Variants in SIX4 observed in about 807,000 individuals in gnomAD.
The protein encoded by SIX4 is homeobox protein SIX4.
A neutral mutation model predicts 51.5 loss-of-function variants in SIX4; 23 were observed. The observed-to-expected ratio is 0.45, with a 90% CI of 0.32 to 0.63. The LOEUF (loss-of-function observed/expected upper bound fraction) is 0.63, where lower values mean the gene tolerates loss of function less well. Ranked by LOEUF, SIX4 falls within the 30% of genes least tolerant of loss-of-function variation. SIX4 has a pLI of 0.04. For missense variants in SIX4, 867 were observed against 984.0 expected, an observed-to-expected ratio of 0.88 and a Z score of 1.59; for synonymous variants, 413 against 417.3, an observed-to-expected ratio of 0.99 and a Z score of 0.13.
chr14:60,711,136 C>G lies in SIX4; in HGVS notation c.*2271G>C. 1 of 152,182 alleles carries G rather than the reference C, an allele frequency of 6.6e-6. No homozygotes were observed. The highest frequency in any genetic ancestry group is 1.9e-4 in the East Asian group (1 of 5,170). 9.4% of individuals were successfully genotyped at this position (152,182 alleles called of 1,614,324 possible). A position where few individuals can be genotyped will look rare whatever the true frequency, so the allele number is the denominator to read the frequency against. Reference sequence around the variant, plus strand: ...GTGGAAAACATCATTTTTATGTAAACTACACTGCAGAGCCATGTAATTAAT... The same window carrying G: ...GTGGAAAACATCATTTTTATGTAAAGTACACTGCAGAGCCATGTAATTAAT... On this transcript the variant is annotated 3_prime_UTR_variant, in exon 3 of 3. Coordinates refer to ENST00000216513, the MANE Select transcript of SIX4 (RefSeq NM_017420.5).
chr14:60,723,879 T>C lies in SIX4; in HGVS notation c.196A>G (p.Ser66Gly). ...GCCGCCACTGCCCCTTCCTCTCCGC[T>C]CACCCTGGCGGCAGCGGTCGCGGCG... ...GDAATAAARV[S>G]GEEGAVAAAA... Residue 66 changes from serine (S) to glycine (G), a missense_variant, in exon 1 of 3, where the codon AGC becomes GGC. Transcript: ENST00000216513. The C allele has an allele frequency of 6.5e-7, 1 of 1,539,114 alleles. No individual in the cohort carries two copies. The highest frequency in any genetic ancestry group is 2.4e-5 in the East Asian group (1 of 42,498).
At position 60,723,848 on chromosome 14, in the gene SIX4, G is replaced by A. The variant is rs1376406359; in HGVS notation, c.227C>T (p.Ala76Val). The part of the protein sequence containing the change: ...SGEEGAVAAA[A>V]AGAAADQVQL... ...TACCTGATCCGCCGCCGCTCCGGCC[G>A]CCGCCGCCGCCACTGCCCCTTCCTC... is the stretch of plus-strand genomic sequence containing the variant. Residue 76 changes from alanine to valine, a missense_variant, in exon 1 of 3, where the codon GCG becomes GTG. Coordinates refer to ENST00000216513, the MANE Select transcript of SIX4 (RefSeq NM_017420.5). The A allele has an allele frequency of 1.3e-6, 2 of 1,523,886 alleles. No homozygotes were observed. Among genetic ancestry groups the A allele is most frequent in the Non-Finnish European group, 1.7e-6 (2 of 1,147,348 alleles). The allele number at this position is 1,523,886 out of a possible 1,614,324, so 94.4% of individuals were successfully genotyped here.
At chr14:60,723,148 G>A in intron 1 of SIX4, 64 bp downstream of exon 1, 1 of 1,459,878 alleles carries the variant, frequency 6.8e-7, no homozygotes, top group Non-Finnish European at 9.0e-7. Flanking sequence ...GCACTTGGAG[G>A]AAAAGAAAGC....
chr14:60,711,222 T>A lies in SIX4; in HGVS notation c.*2185A>T, dbSNP rs1895814470. ...ACAAGCTCTATGAGTAGTAGTAGAGTGGAAAAGAACTCTCAAACACCTGAC... is the reference window on the plus strand; with the variant it reads ...ACAAGCTCTATGAGTAGTAGTAGAGAGGAAAAGAACTCTCAAACACCTGAC... On this transcript the variant is annotated 3_prime_UTR_variant, in exon 3 of 3. Transcript: ENST00000216513. 1 of 151,990 alleles carries A rather than the reference T, an allele frequency of 6.6e-6. No individual in the cohort carries two copies. Among genetic ancestry groups the A allele is most frequent in the Non-Finnish European group, 1.5e-5 (1 of 67,904 alleles). 9.4% of individuals were successfully genotyped at this position (151,990 alleles called of 1,614,324 possible).
intron 1 of SIX4, 74 bp downstream of exon 1, chr14:60,723,138 G>A: frequency 6.9e-7 from 1 of 1,454,312 alleles, no homozygotes; most frequent in East Asian, 2.5e-5. Context: ...ATGTTTGCGA[G>A]CACTTGGAGG....
Position 60,717,905 on chromosome 14 carries a change from G to C in SIX4, c.1549+1855C>G, listed in dbSNP as rs966535108. ...TGCACGCCTGTAGTCCCAGCTACTAGGGAGGCTGAGGCAGGATAATCACTT... is the reference window on the plus strand; with the variant it reads ...TGCACGCCTGTAGTCCCAGCTACTACGGAGGCTGAGGCAGGATAATCACTT... On this transcript the variant is annotated intron_variant, in intron 2 of 2. Coordinates refer to ENST00000216513, the MANE Select transcript of SIX4 (RefSeq NM_017420.5). This position sits in a 1 kb window ranked among gnomAD's most constrained non-coding sequence, Gnocchi z 4.6. 1 of 169,796 alleles carries C rather than the reference G, an allele frequency of 5.9e-6. No individual in the cohort carries two copies. The highest frequency in any genetic ancestry group is 2.4e-5 in the African/African-American group (1 of 41,588). 10.5% of individuals were successfully genotyped at this position (169,796 alleles called of 1,614,324 possible).
In SIX4 at chr14:60,713,405, G is replaced by C; in HGVS notation, c.*2C>G. The C allele has an allele frequency of 6.3e-7, 1 of 1,584,164 alleles. No homozygotes were observed. Among genetic ancestry groups the C allele is most frequent in the Non-Finnish European group, 8.6e-7 (1 of 1,166,544 alleles). ...CAAAAAGAGGTGAGGAGGAAATAAAGTTCATAAGTCTTGCATATCTTCATC... is the reference window on the plus strand; with the variant it reads ...CAAAAAGAGGTGAGGAGGAAATAAACTTCATAAGTCTTGCATATCTTCATC... On this transcript the variant is annotated 3_prime_UTR_variant, in exon 3 of 3. Coordinates refer to ENST00000216513, the MANE Select transcript of SIX4 (RefSeq NM_017420.5).
Position 60,714,194 on chromosome 14 carries a change from G to A in SIX4, c.1559C>T (p.Ser520Leu). ...VSVAASQGNI[S>L]VSSSTSDGST... The stretch of plus-strand genomic sequence containing the variant: ...TCCATCTGAAGTGCTTGAGCTTACT[G>A]AGATATTACCTAAAAAAAATAAAGT... The change falls in exon 3 of 3, where the codon TCA becomes TTA. Residue 520 changes from serine (S) to leucine (L), a missense_variant. Transcript: ENST00000216513. 6.3e-7 allele frequency: 1 copy of A among 1,580,616 alleles called. No homozygotes were observed. Among genetic ancestry groups the A allele is most frequent in the Non-Finnish European group, 8.5e-7 (1 of 1,171,224 alleles).
chr14:60,721,083 GC>G (rs1896011041), intron 1 of SIX4: 1 of 985,462 alleles, frequency 1.0e-6, no homozygotes, highest in Admixed American at 6.1e-5. Flanking sequence ...ACAGTTATGT[GC>G]AGTCGCCTTT....
At chr14:60,715,470 G>C (rs1332397430) in intron 2 of SIX4, among the ~76,000 whole-genome samples, 1 of 152,166 alleles carries the variant, frequency 6.6e-6, no homozygotes, top group Non-Finnish European at 1.5e-5. Context: ...TGTTGTGCCA[G>C]TTCTGAATTT....
Position 60,717,969 on chromosome 14 carries a change from G to T in SIX4, c.1549+1791C>A. The T allele has an allele frequency of 4.4e-6, 1 of 224,842 alleles. No homozygotes were observed. Among genetic ancestry groups the T allele is most frequent in the Non-Finnish European group, 8.8e-6 (1 of 113,194 alleles). 13.9% of individuals were successfully genotyped at this position (224,842 alleles called of 1,614,324 possible). A position where few individuals can be genotyped will look rare whatever the true frequency, so the allele number is the denominator to read the frequency against. ...AGAGGCTGCAGTGAGCCGAGATCGC[G>T]CCACTGTACTCCAGCCTGGGTGACA... On this transcript the variant is annotated intron_variant, in intron 2 of 2. Transcript: ENST00000216513. This position sits in a 1 kb window ranked among gnomAD's most constrained non-coding sequence, Gnocchi z 4.6.
intron 2 of SIX4, among the ~76,000 whole-genome samples, chr14:60,714,972 T>A (rs867447999): frequency 2.3e-5 from 3 of 129,332 alleles, no homozygotes; most frequent in South Asian, 2.6e-4. Context: ...GCCCTTTCTT[T>A]AAAAAAAAAA....
In SIX4 at chr14:60,710,239, T is replaced by A. The variant is rs1322388290; in HGVS notation, c.*3168A>T. ...AGAGAGATTTAAGGTCAGTGTGCAA[T>A]TTAACTATGGATTTTTACCTATGGC... On this transcript the variant is annotated 3_prime_UTR_variant, in exon 3 of 3. Transcript: ENST00000216513. The A allele has an allele frequency of 2.0e-5, 3 of 152,558 alleles. No homozygotes were observed. Among genetic ancestry groups the A allele is most frequent in the Non-Finnish European group, 2.9e-5 (2 of 68,030 alleles). The allele number at this position is 152,558 out of a possible 1,614,324, so 9.5% of individuals were successfully genotyped here. A position where few individuals can be genotyped will look rare whatever the true frequency, so the allele number is the denominator to read the frequency against.
chr14:60,714,084 C>T lies in SIX4; in HGVS notation c.1669G>A (p.Val557Ile), dbSNP rs1895873518. The part of the protein sequence containing the change: ...SLAPSAVVYT[V>I]PNTGQTIGSV... ...CCTATAGTCTGGCCTGTATTAGGAA[C>T]CGTGTATACCACTGCACTGGGAGCA... Residue 557 changes from valine (V) to isoleucine (I), a missense_variant, in exon 3 of 3, where the codon GTT (valine) becomes ATT (isoleucine). Coordinates refer to ENST00000216513, the MANE Select transcript of SIX4 (RefSeq NM_017420.5). The T allele has an allele frequency of 2.5e-6, 4 of 1,614,154 alleles. No homozygotes were observed. Among genetic ancestry groups the T allele is most frequent in the Non-Finnish European group, 3.4e-6 (4 of 1,180,030 alleles).
rs1480301466 is a variant in SIX4, at chr14:60,713,657, G to A, written c.2096C>T (p.Pro699Leu). 1.9e-6 allele frequency: 3 copies of A among 1,614,064 alleles called. No homozygotes were observed. The Admixed American group carries it at 5.0e-5, about 27-fold the overall frequency. The change falls in exon 3 of 3, where the codon CCC (proline) becomes CTC (leucine). Residue 699 changes from proline (P) to leucine (L), a missense_variant. Physicochemically the swap from Pro to Leu is moderately conservative, Grantham distance 98. Transcript: ENST00000216513. Reference sequence around the variant, plus strand: ...AAAATCCTGATGTACTGCTGGGGAGGGGTGACCTACCTGATCTTCAGCTGT... The same window carrying A: ...AAAATCCTGATGTACTGCTGGGGAGAGGTGACCTACCTGATCTTCAGCTGT... ...VPTAEDQVGHPSPAVHQDFVQ... is the reference protein window; with the variant it reads ...VPTAEDQVGHLSPAVHQDFVQ...
At chr14:60,714,997 G>C (rs1001347843) in intron 2 of SIX4, among the ~76,000 whole-genome samples, 12 of 143,636 alleles carry the variant, frequency 8.4e-5, no homozygotes, top group Non-Finnish European at 1.7e-4. Context: ...AAAAAAATTA[G>C]ATTCAGGGGG....
chr14:60,723,288 A>G lies in SIX4; in HGVS notation c.787T>C (p.Ser263Pro). ...AACCAGTTGCTGACCTGGGTGAGGG[A>G]GAGGCCGGTGATCTTGGCCAGGTGC... is the stretch of plus-strand genomic sequence containing the variant. The part of the protein sequence containing the change: ...KRHLAKITGL[S>P]LTQVSNWFKN... Residue 263 changes from serine to proline, a missense_variant, in exon 1 of 3, where the codon TCC becomes CCC. Coordinates refer to ENST00000216513, the MANE Select transcript of SIX4 (RefSeq NM_017420.5). The G allele has an allele frequency of 6.2e-7, 1 of 1,610,958 alleles. No individual in the cohort carries two copies. Among genetic ancestry groups the G allele is most frequent in the Non-Finnish European group, 8.5e-7 (1 of 1,179,290 alleles).
At position 60,710,309 on chromosome 14, in the gene SIX4, C is replaced by T. The variant is rs536249903; in HGVS notation, c.*3098G>A. 7.9e-5 allele frequency: 12 copies of T among 152,664 alleles called. No homozygotes were observed. The highest frequency in any genetic ancestry group is 4.6e-4 in the Admixed American group (7 of 15,278). The allele number at this position is 152,664 out of a possible 1,614,324, so 9.5% of individuals were successfully genotyped here. A position where few individuals can be genotyped will look rare whatever the true frequency, so the allele number is the denominator to read the frequency against. ...TCATAACACAAGAAAGGCACTGAAACGTGTACAATTTAAAAAGTCTTTTCA... is the reference window on the plus strand; with the variant it reads ...TCATAACACAAGAAAGGCACTGAAATGTGTACAATTTAAAAAGTCTTTTCA... On this transcript the variant is annotated 3_prime_UTR_variant, in exon 3 of 3. Coordinates refer to ENST00000216513, the MANE Select transcript of SIX4 (RefSeq NM_017420.5).
In SIX4 at chr14:60,717,970, C is replaced by T; in HGVS notation, c.1549+1790G>A. 1 of 227,580 alleles carries T rather than the reference C, an allele frequency of 4.4e-6. No homozygotes were observed. The highest frequency in any genetic ancestry group is 8.7e-6 in the Non-Finnish European group (1 of 114,948). 14.1% of individuals were successfully genotyped at this position (227,580 alleles called of 1,614,324 possible). ...GAGGCTGCAGTGAGCCGAGATCGCG[C>T]CACTGTACTCCAGCCTGGGTGACAA... On this transcript the variant is annotated intron_variant, in intron 2 of 2. Coordinates refer to ENST00000216513, the MANE Select transcript of SIX4 (RefSeq NM_017420.5). This position sits in a 1 kb window ranked among gnomAD's most constrained non-coding sequence, Gnocchi z 4.6.
Sources: allele counts gnomAD v4.1 joint callset (sites outside exome capture counted in the v4.1 genomes callset), GRCh38; gene constraint gnomAD v4.1.1; non-coding constraint Gnocchi (gnomAD v3.1); transcripts MANE v1.5; gene names NCBI Gene and HGNC (gene_info 2026-07-23, HGNC 2026-07-21).